Variants in NFIX observed in about 807,000 individuals in gnomAD.
The protein encoded by NFIX is nuclear factor 1 X-type.
A neutral mutation model predicts 53.3 loss-of-function variants in NFIX; 2 were observed. The observed-to-expected ratio is 0.04, with a 90% confidence interval of 0.02 to 0.12. The LOEUF (loss-of-function observed/expected upper bound fraction) is 0.12, where lower values mean the gene tolerates loss of function less well. NFIX is among the 10% of genes least tolerant of loss of function. The pLI, the probability that NFIX is intolerant of heterozygous loss-of-function variation, is 1.00. For missense variants in NFIX, 310 were observed against 674.5 expected (o/e 0.46, Z 5.99); for synonymous variants, 244 against 289.0 (o/e 0.84, Z 1.58).
In NFIX at chr19:13,022,036, C is replaced by G. The variant is rs899323639; in HGVS notation, c.28-2985C>G. 6.6e-6 allele frequency among the ~76,000 whole-genome samples: 1 copy of G among 152,128 alleles called. No individual in the cohort carries two copies. The highest frequency in any genetic ancestry group is 2.1e-4 in the South Asian group (1 of 4,830). ...GGGAGACAGGTAAGAAAACTAATCT[C>G]AGGTCAACTGGAGAGGGCAGATCTG... On this transcript the variant is annotated intron_variant, in intron 1 of 10. Transcript: ENST00000592199. This position sits in a 1 kb window ranked among gnomAD's most constrained non-coding sequence, Gnocchi z 4.5.
chr19:13,092,763 C>G (rs2018218731), intron 10 of NFIX, among the ~76,000 whole-genome samples: 1 of 152,264 alleles, frequency 6.6e-6, no homozygotes, highest in Admixed American at 6.5e-5. Context: ...CTTCCCACCC[C>G]CGGGCCTGGG....
chr19:13,035,899 C>G (rs534451675), intron 2 of NFIX, among the ~76,000 whole-genome samples: 66 of 152,356 alleles, frequency 4.3e-4, no homozygotes, highest in African/African-American at 1.6e-3. Flanking sequence ...CCCGCATCAT[C>G]CCAAGTGCAG....
At chr19:13,071,224 A>T (rs143097497) in intron 2 of NFIX, 1 of 152,252 alleles carries the variant, frequency 6.6e-6, no homozygotes, top group African/African-American at 2.4e-5. Context: ...TAGAGCAACC[A>T]CAGGACTGGG....
intron 8 of NFIX, among the ~76,000 whole-genome samples, chr19:13,085,394 A>T (rs2017716236): frequency 6.6e-6 from 1 of 152,182 alleles, no homozygotes; most frequent in South Asian, 2.1e-4. Flanking sequence ...GGTTGCTTGG[A>T]AGGCCTCTGT....
At chr19:13,055,781 A>G (rs1466142668) in intron 2 of NFIX, among the ~76,000 whole-genome samples, 3 of 152,098 alleles carry the variant, frequency 2.0e-5, no homozygotes, top group African/African-American at 7.2e-5. Flanking sequence ...TGGGTCCTGC[A>G]GTCTAGGATC....
At chr19:13,010,579 T>A (rs1459986608) in intron 1 of NFIX, among the ~76,000 whole-genome samples, 1 of 152,224 alleles carries the variant, frequency 6.6e-6, no homozygotes, top group Non-Finnish European at 1.5e-5. Flanking sequence ...GGGCACCACA[T>A]GGGGGTCCCT....
In NFIX at chr19:13,049,950, C is replaced by G. The variant is rs967788342; in HGVS notation, c.560-23097C>G. Among the ~76,000 whole-genome samples, 1 of 152,316 alleles carries G rather than the reference C, an allele frequency of 6.6e-6. No homozygotes were observed. Among genetic ancestry groups the G allele is most frequent in the African/African-American group, 2.4e-5 (1 of 41,570 alleles). On this transcript the variant is annotated intron_variant, in intron 2 of 10. Coordinates refer to ENST00000592199, the MANE Select transcript of NFIX (RefSeq NM_001365902.3). The surrounding 1 kb of genome is among the most constrained non-coding windows in gnomAD (Gnocchi z 4.5). ...TATGGCTGTGCCACATTTTGTTTAT[C>G]CATTCATACATTGATGGATATTTGG...
chr19:13,017,998 A>C (rs1462903664), intron 1 of NFIX, among the ~76,000 whole-genome samples: 1 of 152,196 alleles, frequency 6.6e-6, no homozygotes, highest in Non-Finnish European at 1.5e-5. Flanking sequence ...ATCCCCATGC[A>C]GCCTGCCGGC....
At chr19:13,039,974 GCTCT>G (rs1381201827) in intron 2 of NFIX, among the ~76,000 whole-genome samples, 1 of 152,168 alleles carries the variant, frequency 6.6e-6, no homozygotes, top group African/African-American at 2.4e-5. Context: ...TGGCAGGTGT[GCTCT>G]CTGAGTGGGC....
chr19:13,041,682 T>A (rs1386573131), intron 2 of NFIX, among the ~76,000 whole-genome samples: 1 of 151,350 alleles, frequency 6.6e-6, no homozygotes, highest in African/African-American at 2.4e-5. Context: ...TAATCTCAGC[T>A]GCTCAGGAGG....
intron 2 of NFIX, among the ~76,000 whole-genome samples, chr19:13,056,920 A>G (rs2015733922): frequency 6.6e-6 from 1 of 152,246 alleles, no homozygotes; most frequent in Non-Finnish European, 1.5e-5. Flanking sequence ...AGGAGGTTCC[A>G]CCTGCTTGTT....
intron 2 of NFIX, among the ~76,000 whole-genome samples, chr19:13,041,574 A>C (rs2014622370): frequency 1.3e-5 from 2 of 152,180 alleles, no homozygotes; most frequent in South Asian, 4.1e-4. Flanking sequence ...AGGCAGGCAG[A>C]TCACGAGATC....
At chr19:13,065,654 C>G (rs2016356936) in intron 2 of NFIX, among the ~76,000 whole-genome samples, 1 of 152,144 alleles carries the variant, frequency 6.6e-6, no homozygotes, top group South Asian at 2.1e-4. Context: ...GGGCATATCC[C>G]TTCTCTCTCT....
rs755535785 is a variant in NFIX, at chr19:13,088,915, C to T, written c.1402+779C>T. 5.3e-5 allele frequency among the ~76,000 whole-genome samples: 8 copies of T among 151,166 alleles called. No homozygotes were observed. The highest frequency in any genetic ancestry group is 3.9e-4 in the East Asian group (2 of 5,152). On this transcript the variant is annotated intron_variant, in intron 9 of 10. Coordinates refer to ENST00000592199, the MANE Select transcript of NFIX (RefSeq NM_001365902.3). The surrounding 1 kb of genome is among the most constrained non-coding windows in gnomAD (Gnocchi z 5.9). ...CAAAGGGAAAAGAAGAAAAATCATT[C>T]GAGAGGTCCCAGGTAGACCCGGCGT... is the stretch of plus-strand genomic sequence containing the variant.
Position 13,094,555 on chromosome 19 carries a change from C to G in NFIX, c.1495-80C>G, listed in dbSNP as rs1178315468. 6 of 1,454,934 alleles carry G rather than the reference C, an allele frequency of 4.1e-6. No homozygotes were observed. The South Asian group carries it at 7.3e-5, about 18-fold the overall frequency. The allele number at this position is 1,454,934 out of a possible 1,614,324, so 90.1% of individuals were successfully genotyped here. ...TTTGGGAGCTGGACCCTTGAGGGGC[C>G]AGGTCACTGGGCCAGGTAGGAGTGA... On this transcript the variant is annotated intron_variant, in intron 10 of 10. Transcript: ENST00000592199. This position sits in a 1 kb window ranked among gnomAD's most constrained non-coding sequence, Gnocchi z 4.3.
chr19:13,053,286 C>A (rs1431722650), intron 2 of NFIX, among the ~76,000 whole-genome samples: 2 of 152,188 alleles, frequency 1.3e-5, no homozygotes, highest in African/African-American at 4.8e-5. Flanking sequence ...ATCCCCTAGT[C>A]ACCCCAACCC....
chr19:13,034,670 G>A (rs1450004502), intron 2 of NFIX, among the ~76,000 whole-genome samples: 1 of 152,148 alleles, frequency 6.6e-6, no homozygotes, highest in Non-Finnish European at 1.5e-5. Flanking sequence ...CCAGGTGATC[G>A]CTGGAAGTTT....
chr19:13,088,383 T>TG lies in NFIX; in HGVS notation c.1402+253dup, dbSNP rs1383752853. Among the ~76,000 whole-genome samples, 2 of 150,056 alleles carry TG rather than the reference T, an allele frequency of 1.3e-5. No individual in the cohort carries two copies. The highest frequency in any genetic ancestry group is 3.0e-5 in the Non-Finnish European group (2 of 67,478). ...CCGGGGCCCCTGGCCCAGGCCCCTC[T>TG]GGGGGGCGGGAGGGAGAGCACAGCT... On this transcript the variant is annotated intron_variant, in intron 9 of 10. Transcript: ENST00000592199. The surrounding 1 kb of genome is among the most constrained non-coding windows in gnomAD (Gnocchi z 5.9).
At chr19:13,054,961 G>A (rs1174631525) in intron 2 of NFIX, among the ~76,000 whole-genome samples, 1 of 152,084 alleles carries the variant, frequency 6.6e-6, no homozygotes, top group Non-Finnish European at 1.5e-5. Flanking sequence ...TCATAATTTG[G>A]AAAGAAAAGG....
Sources: gnomAD v4.1 joint callset for allele counts (sites outside exome capture counted in the v4.1 genomes callset) on GRCh38, gnomAD v4.1.1 for gene constraint, Gnocchi (gnomAD v3.1) non-coding constraint, MANE v1.5 for transcripts, NCBI Gene and HGNC (gene_info 2026-07-23, HGNC 2026-07-21) for gene names.